The following PKN2 variants were observed in gnomAD, a reference collection of about 807,000 sequenced individuals.
PKN2 encodes the protein protein kinase N2.
Under a neutral mutation model 119.1 loss-of-function variants are expected in PKN2, and 38 were observed. The observed-to-expected ratio is 0.32, with a 90% confidence interval of 0.25 to 0.42. PKN2 has a LOEUF of 0.42. PKN2 is among the 10% of genes least tolerant of loss of function. The pLI, the probability that PKN2 is intolerant of heterozygous loss-of-function variation, is 1.00. For synonymous variants in PKN2, 390 were observed against 384.9 expected, an observed-to-expected ratio of 1.01 and a Z score of -0.15; for missense variants, 850 against 1,165.1, an observed-to-expected ratio of 0.73 and a Z score of 3.94.
At chr1:88,701,237 A>C (rs545142632) in intron 1 of PKN2, among the ~76,000 whole-genome samples, 18 of 152,192 alleles carry the variant, frequency 1.2e-4, no homozygotes, top group Non-Finnish European at 2.2e-4. Flanking sequence ...TGAGGTCAGG[A>C]GTTTGAGACC....
chr1:88,756,986 T>C lies in PKN2; in HGVS notation c.350-3236T>C, dbSNP rs374456731. Among the ~76,000 whole-genome samples, 42 of 152,252 alleles carry C rather than the reference T, an allele frequency of 2.8e-4. 2 individuals are homozygous for C. Among genetic ancestry groups the C allele is most frequent in the Admixed American group, 7.9e-4 (12 of 15,278 alleles). ...TTACATGGTTTGTACTGAATCTCAGTACCAAAACTGAGACTCAAACCTGGG... is the reference window on the plus strand; with the variant it reads ...TTACATGGTTTGTACTGAATCTCAGCACCAAAACTGAGACTCAAACCTGGG... On this transcript the variant is annotated intron_variant, in intron 2 of 21. Transcript: ENST00000370521.
chr1:88,729,137 G>A (rs1431238912), intron 1 of PKN2, among the ~76,000 whole-genome samples: 1 of 151,998 alleles, frequency 6.6e-6, no homozygotes, highest in Non-Finnish European at 1.5e-5. Context: ...CAGGTGATCT[G>A]CCCGCCTCGT....
intron 16 of PKN2, 80 bp from the exon 17 acceptor site, chr1:88,821,861 C>T: frequency 9.3e-7 from 1 of 1,080,092 alleles, no homozygotes; most frequent in East Asian, 2.7e-5. Context: ...GATAGGTCTG[C>T]TTTGAAGTAT....
chr1:88,685,009 C>A (rs1666024358), intron 1 of PKN2: 1 of 210,080 alleles, frequency 4.8e-6, no homozygotes, highest in African/African-American at 2.3e-5. Flanking sequence ...GCGGCCGGGC[C>A]CCGCCCCGCC....
intron 6 of PKN2, among the ~76,000 whole-genome samples, chr1:88,772,753 GTTC>G (rs747385085): frequency 3.9e-5 from 6 of 152,224 alleles, no homozygotes; most frequent in Non-Finnish European, 8.8e-5. Context: ...CTGTCAAACT[GTTC>G]TTCTCAGCAT....
At chr1:88,714,563 T>C (rs1667369828) in intron 1 of PKN2, among the ~76,000 whole-genome samples, 1 of 152,110 alleles carries the variant, frequency 6.6e-6, no homozygotes, top group Non-Finnish European at 1.5e-5. Context: ...GGGAGTGATT[T>C]GGTTCTGTAT....
chr1:88,721,017 T>C (rs948775563), intron 1 of PKN2, among the ~76,000 whole-genome samples: 1 of 152,222 alleles, frequency 6.6e-6, no homozygotes, highest in African/African-American at 2.4e-5. Flanking sequence ...CTTTGTCCAC[T>C]TGTTAATTGA....
intron 19 of PKN2, among the ~76,000 whole-genome samples, chr1:88,829,770 C>G (rs112201041): frequency 6.6e-6 from 1 of 152,138 alleles, no homozygotes; most frequent in Admixed American, 6.6e-5. Flanking sequence ...TTCCCCATGC[C>G]AGCAACCTCC....
At chr1:88,716,262 A>G (rs1181129645) in intron 1 of PKN2, among the ~76,000 whole-genome samples, 1 of 152,166 alleles carries the variant, frequency 6.6e-6, no homozygotes, top group African/African-American at 2.4e-5. Flanking sequence ...AGAAGAATGT[A>G]TATTCTGTTG....
intron 1 of PKN2, among the ~76,000 whole-genome samples, chr1:88,716,886 T>G (rs980338645): frequency 2.0e-5 from 3 of 152,098 alleles, no homozygotes; most frequent in South Asian, 2.1e-4. Context: ...TTTCTTCCTA[T>G]CATCGATGGT....
At chr1:88,806,090 G>A in intron 12 of PKN2, 73 bp downstream of exon 12, 4 of 1,264,618 alleles carry the variant, frequency 3.2e-6, no homozygotes, top group Non-Finnish European at 4.6e-6. Flanking sequence ...TAGTGAATAA[G>A]GCGTGTCTTT....
At chr1:88,805,371 T>C in intron 10 of PKN2, 126 bp from the exon 11 acceptor site, 1 of 805,342 alleles carries the variant, frequency 1.2e-6, no homozygotes, top group South Asian at 2.2e-5. Context: ...AAACTAGTTT[T>C]TTTAAGTGAC....
rs557024262 is a variant in PKN2, at chr1:88,820,180, C to A, written c.2280-1761C>A. ...AAATCAAACAAATCTTTTCAGAAACCTATATATATATATATATATATATAT... is the reference window on the plus strand; with the variant it reads ...AAATCAAACAAATCTTTTCAGAAACATATATATATATATATATATATATAT... On this transcript the variant is annotated intron_variant, in intron 16 of 21. Coordinates refer to ENST00000370521, the MANE Select transcript of PKN2 (RefSeq NM_006256.4). 2.8e-4 allele frequency among the ~76,000 whole-genome samples: 20 copies of A among 70,726 alleles called. 2 individuals carry two copies. In the East Asian group the frequency reaches 7.3e-3, roughly 26 times the overall value. 46.4% of individuals were successfully genotyped at this position (70,726 alleles called of 152,430 possible). A position where few individuals can be genotyped will look rare whatever the true frequency, so the allele number is the denominator to read the frequency against.
intron 16 of PKN2, among the ~76,000 whole-genome samples, chr1:88,820,199 T>C (rs1396964761): frequency 2.3e-5 from 1 of 43,204 alleles, no homozygotes; most frequent in Non-Finnish European, 4.6e-5. Context: ...TATATATATA[T>C]ATATATATAT....
chr1:88,688,769 G>A (rs1666214140), intron 1 of PKN2, among the ~76,000 whole-genome samples: 1 of 152,204 alleles, frequency 6.6e-6, no homozygotes, highest in Non-Finnish European at 1.5e-5. Flanking sequence ...ATACTCACAT[G>A]TAACCTAGCT....
At chr1:88,805,440 CTT>C in intron 10 of PKN2, 55 bp from the exon 11 acceptor site, 1 of 1,371,094 alleles carries the variant, frequency 7.3e-7, no homozygotes, top group Non-Finnish European at 9.9e-7. Context: ...TAAATTATGA[CTT>C]TTGGTTATAC....
At chr1:88,706,571 A>G (rs1667013958) in intron 1 of PKN2, among the ~76,000 whole-genome samples, 1 of 152,142 alleles carries the variant, frequency 6.6e-6, no homozygotes, top group Non-Finnish European at 1.5e-5. Flanking sequence ...GGGAGAAAGC[A>G]TGCAGCCTTA....
intron 18 of PKN2, 44 bp downstream of exon 18, chr1:88,824,430 GT>G (rs751558236): frequency 8.4e-6 from 9 of 1,076,158 alleles, no homozygotes; most frequent in Non-Finnish European, 1.1e-5. Context: ...CAGAATTACT[GT>G]TTCTTTGTGC....
chr1:88,758,225 A>G (rs1669296133), intron 2 of PKN2, among the ~76,000 whole-genome samples: 1 of 152,026 alleles, frequency 6.6e-6, no homozygotes, highest in African/African-American at 2.4e-5. Context: ...AATAGTTCCC[A>G]TTTTTATTTT....
Sources: allele counts gnomAD v4.1 joint callset (sites outside exome capture counted in the v4.1 genomes callset), GRCh38; gene constraint gnomAD v4.1.1; transcripts MANE v1.5; gene names NCBI Gene and HGNC (gene_info 2026-07-23, HGNC 2026-07-21).